The following SLC9A7 variants were observed in gnomAD, a reference collection of about 807,000 sequenced individuals.
The protein encoded by SLC9A7 is solute carrier family 9 member A7.
In SLC9A7, 19 loss-of-function variants were observed where a neutral mutation model predicts 52.6. The ratio of observed to expected loss-of-function variants is 0.36; its 90% CI spans 0.25 to 0.53. The LOEUF (loss-of-function observed/expected upper bound fraction) is 0.53, where lower values mean the gene tolerates loss of function less well. Among genes scored for constraint, SLC9A7 ranks in the 20% least tolerant of loss-of-function variants. The pLI is 0.91. For synonymous variants in SLC9A7, 226 were observed against 252.1 expected, an observed-to-expected ratio of 0.90 and a Z score of 0.98; for missense variants, 455 against 597.9, an observed-to-expected ratio of 0.76 and a Z score of 2.49.
chrX:46,686,217 G>T (rs1214757882), intron 1 of SLC9A7, among the ~76,000 whole-genome samples: 1 of 111,802 alleles, frequency 8.9e-6, no homozygotes, highest in Admixed American at 9.5e-5. Flanking sequence ...AGACAGCGAA[G>T]GTGGTGATGC....
intron 7 of SLC9A7, 53 bp downstream of exon 7, chrX:46,661,963 T>C: frequency 9.3e-7 from 1 of 1,071,574 alleles, no homozygotes; most frequent in Non-Finnish European, 1.2e-6. Flanking sequence ...TTTTTGAAAG[T>C]GTAATGCCAC....
chrX:46,671,558 T>C lies in SLC9A7; in HGVS notation c.680+993A>G, dbSNP rs145208228. 6.7e-3 allele frequency among the ~76,000 whole-genome samples: 746 copies of C among 111,488 alleles called. 10 individuals carry two copies. In the East Asian group the frequency reaches 0.094, roughly 14 times the overall value. The stretch of plus-strand genomic sequence containing the variant: ...TGCTGGGATTACAGGCGTGAGCCAC[T>C]TCGCCCTGCCAGACTTTGCTCATTT... On this transcript the variant is annotated intron_variant, in intron 4 of 16. Transcript: ENST00000616978.
At chrX:46,670,109 T>C (rs1226374673) in intron 4 of SLC9A7, among the ~76,000 whole-genome samples, 2 of 111,536 alleles carry the variant, frequency 1.8e-5, no homozygotes, top group African/African-American at 6.5e-5. Flanking sequence ...GACTCTAAGA[T>C]AATGCATTTA....
At chrX:46,739,778 C>A (rs1188059574) in intron 1 of SLC9A7, among the ~76,000 whole-genome samples, 1 of 111,713 alleles carries the variant, frequency 9.0e-6, no homozygotes. Context: ...CTATAACAGA[C>A]CTTGACTCTT....
rs1212753388 is a variant in SLC9A7 at position 46,657,591 on chromosome X, G to C, written c.1042-3877C>G. 3.4e-4 allele frequency among the ~76,000 whole-genome samples: 37 copies of C among 107,564 alleles called. 1 individual carries two copies. Among genetic ancestry groups the C allele is most frequent in the African/African-American group, 1.2e-3 (34 of 29,470 alleles). The allele number at this position is 107,564 out of a possible 115,157, so 93.4% of individuals were successfully genotyped here. On this transcript the variant is annotated intron_variant, in intron 7 of 16. Transcript: ENST00000616978. ...TGCAATCCTAGTCTCTGATAAAACA[G>C]ACTTTAAACCAACAAAGATCAAAAG... is the stretch of plus-strand genomic sequence containing the variant.
At chrX:46,734,067 T>C (rs1443819444) in intron 1 of SLC9A7, among the ~76,000 whole-genome samples, 2 of 112,112 alleles carry the variant, frequency 1.8e-5, no homozygotes, top group Non-Finnish European at 3.8e-5. Flanking sequence ...TAATTCTTTG[T>C]TGTAAGAGCT....
chrX:46,655,382 T>C (rs939994338), intron 7 of SLC9A7, among the ~76,000 whole-genome samples: 3 of 112,146 alleles, frequency 2.7e-5, no homozygotes, highest in Non-Finnish European at 5.6e-5. Flanking sequence ...GATGGCCGTA[T>C]AGGAACAGCT....
intron 1 of SLC9A7, among the ~76,000 whole-genome samples, chrX:46,715,154 T>C (rs775592153): frequency 6.2e-5 from 7 of 112,159 alleles, no homozygotes; most frequent in East Asian, 2.8e-4. Context: ...CTTACTCACA[T>C]TGATATCTCA....
intron 1 of SLC9A7, among the ~76,000 whole-genome samples, chrX:46,736,174 T>C (rs1945118800): frequency 8.9e-6 from 1 of 112,289 alleles, no homozygotes; most frequent in African/African-American, 3.2e-5. Flanking sequence ...GGATATTCTG[T>C]TCTGATCATT....
intron 14 of SLC9A7, among the ~76,000 whole-genome samples, chrX:46,622,725 GAAGTT>G (rs1943065752): frequency 9.0e-6 from 1 of 111,338 alleles, no homozygotes; most frequent in Non-Finnish European, 1.9e-5. Context: ...AAGAACCCCG[GAAGTT>G]AAAAGTTAAA....
intron 14 of SLC9A7, among the ~76,000 whole-genome samples, chrX:46,628,447 G>A (rs1258997430): frequency 1.8e-5 from 2 of 111,377 alleles, no homozygotes; most frequent in African/African-American, 6.5e-5. Context: ...ACTTACCAGG[G>A]GACACAAAGC....
chrX:46,645,365 C>A (rs1943472892), intron 11 of SLC9A7, among the ~76,000 whole-genome samples: 1 of 111,916 alleles, frequency 8.9e-6, no homozygotes, highest in African/African-American at 3.3e-5. Flanking sequence ...AACTCTTTGG[C>A]ACAGCACTGG....
Position 46,613,399 on chromosome X carries a change from A to G in SLC9A7, c.1824-5T>C, listed in dbSNP as rs965695579. On this transcript the variant is annotated splice_polypyrimidine_tract_variant and splice_region_variant and intron_variant, in intron 15 of 16. Coordinates refer to ENST00000616978, the MANE Select transcript of SLC9A7 (RefSeq NM_001257291.2). ...GTGAGGATGGGCTTCAGGTAACTTT[A>G]AAATGTGAATTAAGGAAAAATGGCT... is the stretch of plus-strand genomic sequence containing the variant. 4.3e-6 allele frequency: 5 copies of G among 1,150,157 alleles called. No homozygotes were observed. Among genetic ancestry groups the G allele is most frequent in the Non-Finnish European group, 5.9e-6 (5 of 851,690 alleles). 94.8% of individuals were successfully genotyped at this position (1,150,157 alleles called of 1,213,427 possible). A position where few individuals can be genotyped will look rare whatever the true frequency, so the allele number is the denominator to read the frequency against.
intron 14 of SLC9A7, among the ~76,000 whole-genome samples, chrX:46,627,496 G>A (rs1943149657): frequency 9.0e-6 from 1 of 111,386 alleles, no homozygotes; most frequent in African/African-American, 3.3e-5. Flanking sequence ...TGGGGCTGGT[G>A]AGGCCTGAGT....
At chrX:46,755,415 G>C (rs1056497563) in intron 1 of SLC9A7, among the ~76,000 whole-genome samples, 1 of 111,405 alleles carries the variant, frequency 9.0e-6, no homozygotes, top group Non-Finnish European at 1.9e-5. Context: ...CCCAGACACA[G>C]GGCTCAGAAA....
chrX:46,683,605 A>G (rs935445027), intron 1 of SLC9A7, among the ~76,000 whole-genome samples: 1 of 111,723 alleles, frequency 9.0e-6, no homozygotes, highest in African/African-American at 3.3e-5. Flanking sequence ...AAGATCATGT[A>G]TAAGCATTCA....
At chrX:46,688,223 CTA>C (rs1159561519) in intron 1 of SLC9A7, among the ~76,000 whole-genome samples, 1 of 111,735 alleles carries the variant, frequency 8.9e-6, no homozygotes, top group Non-Finnish European at 1.9e-5. Context: ...TATGATAAAT[CTA>C]TGTTTAATAT....
At chrX:46,637,628 C>T (rs1001484371) in intron 12 of SLC9A7, among the ~76,000 whole-genome samples, 3 of 111,628 alleles carry the variant, frequency 2.7e-5, no homozygotes, top group African/African-American at 9.8e-5. Flanking sequence ...TTGAAGCTGA[C>T]GGCTCCTAGA....
chrX:46,662,228 G>T, intron 6 of SLC9A7, 71 bp from the exon 7 acceptor site: 1 of 982,534 alleles, frequency 1.0e-6, no homozygotes, highest in South Asian at 2.4e-5. Context: ...TGAAAATATC[G>T]ACAAACATAG....
Sources: allele counts gnomAD v4.1 joint callset (sites outside exome capture counted in the v4.1 genomes callset), GRCh38; gene constraint gnomAD v4.1.1; transcripts MANE v1.5; gene names NCBI Gene and HGNC (gene_info 2026-07-23, HGNC 2026-07-21).